MAN2A2: variants seen among roughly 807,000 people sequenced by gnomAD.
MAN2A2 encodes the protein mannosidase alpha class 2A member 2.
MAN2A2 carries 79 observed loss-of-function variants against 126.8 expected under a neutral mutation model. The ratio of observed to expected loss-of-function variants is 0.62; its 90% CI spans 0.52 to 0.75. MAN2A2 has a LOEUF of 0.75. Ranked by LOEUF, MAN2A2 falls within the 30% of genes least tolerant of loss-of-function variation. MAN2A2 has a pLI of 0.00. For synonymous variants in MAN2A2, 671 were observed against 618.7 expected (o/e 1.08, Z -1.25); for missense variants, 1,392 against 1,522.4 (o/e 0.91, Z 1.43).
intron 20 of MAN2A2, chr15:90,917,949 G>A (rs1396044507): frequency 1.2e-5 from 6 of 517,738 alleles, no homozygotes; most frequent in Non-Finnish European, 2.1e-5. Flanking sequence ...TGTTATGTGA[G>A]CAAGGAACTA....
chr15:90,911,825 A>T, intron 14 of MAN2A2: 1 of 613,074 alleles, frequency 1.6e-6, no homozygotes, highest in African/African-American at 1.8e-5. Context: ...TCGAAAGCTT[A>T]ATGTGTTGTT....
In MAN2A2 at chr15:90,918,181, G is replaced by A; in HGVS notation, c.2995-13G>A. ...CTTTGGTCCCTCACCAATATCTCGG[G>A]TCAATTTTGCAGGTCCAAGATAGCC... On this transcript the variant is annotated splice_polypyrimidine_tract_variant and intron_variant, in intron 20 of 22. Transcript: ENST00000559717. The A allele has an allele frequency of 5.0e-6, 8 of 1,608,628 alleles. No homozygotes were observed. The highest frequency in any genetic ancestry group is 6.0e-6 in the Non-Finnish European group (7 of 1,176,282).
rs769351517 is a variant in MAN2A2 at position 90,917,962 on chromosome 15, AAGT to A, written c.2995-229_2995-227del. 1.2e-3 allele frequency: 655 copies of A among 541,410 alleles called. 1 individual carries two copies. The highest frequency in any genetic ancestry group is 1.9e-3 in the Non-Finnish European group (575 of 301,138). 33.5% of individuals were successfully genotyped at this position (541,410 alleles called of 1,614,324 possible). ...AGTGTTATGTGAGCAAGGAACTAAA[AAGT>A]AGAGAAGAAACAGCTTAGTGAAGTA... On this transcript the variant is annotated intron_variant, in intron 20 of 22. Coordinates refer to ENST00000559717, the MANE Select transcript of MAN2A2 (RefSeq NM_006122.4).
intron 20 of MAN2A2, chr15:90,916,475 C>A: frequency 8.5e-7 from 1 of 1,169,702 alleles, no homozygotes. Flanking sequence ...ACCTGTGCCC[C>A]TCATGTTCGT....
At position 90,919,696 on chromosome 15, in the gene MAN2A2, C is replaced by T. The variant is rs566486347; in HGVS notation, c.3362C>T (p.Thr1121Met). 9.3e-6 allele frequency: 15 copies of T among 1,614,238 alleles called. No individual in the cohort carries two copies. Among genetic ancestry groups the T allele is most frequent in the East Asian group, 2.2e-5 (1 of 44,892 alleles). The change falls in exon 23 of 23, where the codon ACG (threonine) becomes ATG (methionine). Residue 1121 changes from threonine to methionine, a missense_variant. Physicochemically the swap from Thr to Met is moderately conservative, Grantham distance 81. Transcript: ENST00000559717. The stretch of plus-strand genomic sequence containing the variant: ...GTATTCCTTCAGCCAACCTCCTTGA[C>T]GTTACTGTACCCTCTGGCCTCCCCG... ...DVVFLQPTSL[T>M]LLYPLASPSN... is the part of the protein sequence containing the mutation.
chr15:90,905,191 G>A (rs2034165854), intron 2 of MAN2A2, 60 bp from the exon 3 acceptor site: 1 of 1,580,028 alleles, frequency 6.3e-7, no homozygotes, highest in Non-Finnish European at 8.6e-7. Flanking sequence ...TAGACCCCAA[G>A]CAGAGACCCT....
chr15:90,910,496 G>C lies in MAN2A2; in HGVS notation c.1578-5G>C. 4 of 1,613,606 alleles carry C rather than the reference G, an allele frequency of 2.5e-6. No homozygotes were observed. The highest frequency in any genetic ancestry group is 3.4e-6 in the Non-Finnish European group (4 of 1,179,932). Reference sequence around the variant, plus strand: ...GGCTGGCAGCTAACTTCTCTCTCTGGGCAGGGGGGCAGAGGTTCTGTACAG... The same window carrying C: ...GGCTGGCAGCTAACTTCTCTCTCTGCGCAGGGGGGCAGAGGTTCTGTACAG... On this transcript the variant is annotated splice_region_variant and splice_polypyrimidine_tract_variant and intron_variant, in intron 10 of 22. Transcript: ENST00000559717.
intron 14 of MAN2A2, 97 bp from the exon 15 acceptor site, chr15:90,911,946 C>T: frequency 1.0e-6 from 1 of 984,400 alleles, no homozygotes; most frequent in South Asian, 1.5e-5. Context: ...CCAGCGGGTG[C>T]AGGGGCTTGC....
chr15:90,914,555 T>C (rs1296731535), intron 19 of MAN2A2, among the ~76,000 whole-genome samples: 1 of 152,204 alleles, frequency 6.6e-6, no homozygotes, highest in Non-Finnish European at 1.5e-5. Context: ...AGTTTCACTC[T>C]TTCGCCCAGG....
chr15:90,912,199 A>G lies in MAN2A2; in HGVS notation c.2266A>G (p.Ile756Val), dbSNP rs1021622500. ...SRHEAFPLRV[I>V]DSGTSDFALS... ...GCACGAAGCGTTTCCTCTCCGTGTC[A>G]TTGACTCTGGCACCAGCGACTTCGC... The change falls in exon 15 of 23, where the codon ATT (isoleucine) becomes GTT (valine). Residue 756 changes from isoleucine (I) to valine (V), a missense_variant. By Grantham distance (29) the Ile-to-Val change is conservative. Transcript: ENST00000559717. The G allele has an allele frequency of 6.2e-7, 1 of 1,614,142 alleles. No homozygotes were observed. Among genetic ancestry groups the G allele is most frequent in the Non-Finnish European group, 8.5e-7 (1 of 1,180,024 alleles).
At position 90,913,315 on chromosome 15, in the gene MAN2A2, TC is replaced by T; in HGVS notation, c.2629del (p.Arg877GlyfsTer37). ...CTGGACATATCATCCCTGGTGGACATCCGGGACTACGTCAACAAGGAGCTGG... is the reference window on the plus strand; with the variant it reads ...CTGGACATATCATCCCTGGTGGACATCGGGACTACGTCAACAAGGAGCTGG... Reference protein sequence around the residue: ...LSLDISSLVDIRDYVNKELAL... With the variant: ...LSLDISSLVDXRDYVNKELAL... On this transcript the variant is annotated frameshift_variant, in exon 18 of 23. Coordinates refer to ENST00000559717, the MANE Select transcript of MAN2A2 (RefSeq NM_006122.4). LOFTEE classifies it high-confidence loss of function. The T allele has an allele frequency of 1.2e-6, 2 of 1,613,926 alleles. No homozygotes were observed. Among genetic ancestry groups the T allele is most frequent in the Non-Finnish European group, 1.7e-6 (2 of 1,179,870 alleles).
At position 90,905,666 on chromosome 15, in the gene MAN2A2, G is replaced by A. The variant is rs374688808; in HGVS notation, c.478G>A (p.Asp160Asn). 5 of 1,614,070 alleles carry A rather than the reference G, an allele frequency of 3.1e-6. No individual in the cohort carries two copies. In the African/African-American group the frequency reaches 5.3e-5, roughly 17 times the overall value. Reference protein sequence around the residue: ...QGFDISYDPHDWDAEDLQVFV... With the variant: ...QGFDISYDPHNWDAEDLQVFV... ...CTTCGACATCTCCTACGACCCGCACGACTGGGATGCTGAAGACCTGCAGGT... is the reference window on the plus strand; with the variant it reads ...CTTCGACATCTCCTACGACCCGCACAACTGGGATGCTGAAGACCTGCAGGT... Residue 160 changes from aspartate to asparagine, a missense_variant, in exon 4 of 23, where the codon GAC becomes AAC. Physicochemically the swap from Asp to Asn is conservative, Grantham distance 23 (BLOSUM62 1). Transcript: ENST00000559717.
At position 90,912,106 on chromosome 15, in the gene MAN2A2, G is replaced by T. The variant is rs755732399; in HGVS notation, c.2173G>T (p.Asp725Tyr). The part of the protein sequence containing the change: ...LGVLQLQLGL[D>Y]GHRTLPSSVR... ...CGTGCTGCAGCTACAGCTGGGCCTG[G>T]ATGGGCACCGCACGCTGCCCTCCTC... The change falls in exon 15 of 23, where the codon GAT (aspartate) becomes TAT (tyrosine). Residue 725 changes from aspartate (D) to tyrosine (Y), a missense_variant. Asp to Tyr is a radical substitution (Grantham distance 160). Transcript: ENST00000559717. 7 of 1,613,428 alleles carry T rather than the reference G, an allele frequency of 4.3e-6. No individual in the cohort carries two copies. The East Asian group carries it at 1.6e-4, about 36-fold the overall frequency.
At position 90,919,881 on chromosome 15, in the gene MAN2A2, C is replaced by G; in HGVS notation, c.*94C>G. ...AGCCACACGGGTATCCCATCCCGAT[C>G]TGCCTCCCAGAACTGTGACACACTG... On this transcript the variant is annotated 3_prime_UTR_variant, in exon 23 of 23. Coordinates refer to ENST00000559717, the MANE Select transcript of MAN2A2 (RefSeq NM_006122.4). 1 of 1,441,408 alleles carries G rather than the reference C, an allele frequency of 6.9e-7. No individual in the cohort carries two copies. Among genetic ancestry groups the G allele is most frequent in the Non-Finnish European group, 9.6e-7 (1 of 1,045,092 alleles). 89.3% of individuals were successfully genotyped at this position (1,441,408 alleles called of 1,614,324 possible). A position where few individuals can be genotyped will look rare whatever the true frequency, so the allele number is the denominator to read the frequency against.
At chr15:90,910,326 G>A (rs750566148) in intron 10 of MAN2A2, 34 bp downstream of exon 10, 6 of 1,610,538 alleles carry the variant, frequency 3.7e-6, no homozygotes, top group East Asian at 2.2e-5. Context: ...GGCTGGAGGG[G>A]GAGAGTCAGC....
chr15:90,907,615 C>G (rs747209115), intron 8 of MAN2A2, 120 bp downstream of exon 8: 3 of 875,740 alleles, frequency 3.4e-6, no homozygotes, highest in Non-Finnish European at 5.1e-6. Flanking sequence ...TCTGCAGCAG[C>G]AGCTCCTTAC....
At chr15:90,907,274 C>T (rs752035031) in intron 7 of MAN2A2, 35 bp from the exon 8 acceptor site, 4 of 1,599,558 alleles carry the variant, frequency 2.5e-6, no homozygotes, top group Non-Finnish European at 2.6e-6. Context: ...CAGAGGCTGC[C>T]TGCTGGTGGT....
At position 90,919,718 on chromosome 15, in the gene MAN2A2, C is replaced by T; in HGVS notation, c.3384C>T (p.Ser1128=). Residue 1128 remains serine, a synonymous_variant, in exon 23 of 23, where the codon TCC becomes TCT. Transcript: ENST00000559717. ...TSLTLLYPLA[S]PSNSTDVYLE... is the part of the protein sequence containing the mutation. The stretch of plus-strand genomic sequence containing the variant: ...TGACGTTACTGTACCCTCTGGCCTC[C>T]CCGTCCAACAGCACTGACGTCTATT... The T allele has an allele frequency of 6.2e-7, 1 of 1,614,220 alleles. No homozygotes were observed. The highest frequency in any genetic ancestry group is 8.5e-7 in the Non-Finnish European group (1 of 1,180,044).
chr15:90,907,176 ACACT>A (rs1332074072), intron 7 of MAN2A2, 129 bp from the exon 8 acceptor site: 3 of 962,196 alleles, frequency 3.1e-6, no homozygotes, highest in African/African-American at 3.3e-5. Flanking sequence ...CCTGGCCTAC[ACACT>A]CTCTCCAGCC....
Sources: allele counts gnomAD v4.1 joint callset (sites outside exome capture counted in the v4.1 genomes callset), GRCh38; gene constraint gnomAD v4.1.1; transcripts MANE v1.5; gene names NCBI Gene and HGNC (gene_info 2026-07-23, HGNC 2026-07-21).